The following ZNF707 variants were observed in gnomAD, a reference collection of about 807,000 sequenced individuals.
ZNF707 encodes zinc finger protein 707.
In ZNF707, 8 loss-of-function variants were observed where a neutral mutation model predicts 13.3. That is an observed-to-expected ratio of 0.60 (90% CI 0.35 to 1.09). The LOEUF is 1.09. ZNF707 is among the 50% of genes least tolerant of loss of function. The pLI, the probability that ZNF707 is intolerant of heterozygous loss-of-function variation, is 0.02. For missense variants in ZNF707, 530 were observed against 512.6 expected, an observed-to-expected ratio of 1.03 and a Z score of -0.33; for synonymous variants, 225 against 205.6, an observed-to-expected ratio of 1.09 and a Z score of -0.81.
intron 5 of ZNF707, 115 bp downstream of exon 5, chr8:143,691,828 C>T: frequency 1.0e-6 from 1 of 998,478 alleles, no homozygotes; most frequent in Non-Finnish European, 1.5e-6. Context: ...GGAGAGCAGA[C>T]ACACAGCTGC....
rs1816814670 is a variant in ZNF707, at chr8:143,691,583, T to C, written c.143-17T>C. On this transcript the variant is annotated splice_polypyrimidine_tract_variant and intron_variant, in intron 4 of 5. Transcript: ENST00000358656. ...CTCAGTACAAGTAAAACAGAAACTT[T>C]TCTCTCCTTTGAGAAGGATTTTGCA... The C allele has an allele frequency of 6.3e-7, 1 of 1,587,600 alleles. No individual in the cohort carries two copies. The highest frequency in any genetic ancestry group is 1.2e-5 in the South Asian group (1 of 86,578).
chr8:143,685,775 C>G (rs749395511), intron 1 of ZNF707, among the ~76,000 whole-genome samples: 19 of 150,590 alleles, frequency 1.3e-4, no homozygotes, highest in Non-Finnish European at 2.4e-4. Flanking sequence ...CCCAGGAGGT[C>G]GAGGCTGCAG....
chr8:143,694,385 C>A lies in ZNF707; in HGVS notation c.971C>A (p.Ser324Tyr). Residue 324 changes from serine (S) to tyrosine (Y), a missense_variant, in exon 6 of 6, where the codon TCC (serine) becomes TAC (tyrosine). Coordinates refer to ENST00000358656, the MANE Select transcript of ZNF707 (RefSeq NM_001100598.2). This position sits in a 1 kb window ranked among gnomAD's most constrained non-coding sequence, Gnocchi z 4.4. ...KPYTCAECGK[S>Y]FRWPKGFSIH... is the part of the protein sequence containing the mutation. ...TACACCTGTGCCGAGTGCGGCAAGT[C>A]CTTCCGGTGGCCCAAGGGCTTCAGC... 2 of 1,612,318 alleles carry A rather than the reference C, an allele frequency of 1.2e-6. No individual in the cohort carries two copies. Among genetic ancestry groups the A allele is most frequent in the Non-Finnish European group, 8.5e-7 (1 of 1,179,530 alleles).
Position 143,694,378 on chromosome 8 carries a change from G to C in ZNF707, c.964G>C (p.Gly322Arg), listed in dbSNP as rs782359327. ...GAAGCCCTACACCTGTGCCGAGTGC[G>C]GCAAGTCCTTCCGGTGGCCCAAGGG... ...GEKPYTCAEC[G>R]KSFRWPKGFS... The change falls in exon 6 of 6, where the codon GGC becomes CGC. Residue 322 changes from glycine to arginine, a missense_variant. Transcript: ENST00000358656. The surrounding 1 kb of genome is among the most constrained non-coding windows in gnomAD (Gnocchi z 4.4). 2.5e-6 allele frequency: 4 copies of C among 1,612,202 alleles called. No homozygotes were observed. Among genetic ancestry groups the C allele is most frequent in the Admixed American group, 1.7e-5 (1 of 59,928 alleles).
At position 143,694,178 on chromosome 8, in the gene ZNF707, C is replaced by T. The variant is rs781882112; in HGVS notation, c.764C>T (p.Thr255Ile). 14 of 1,575,956 alleles carry T rather than the reference C, an allele frequency of 8.9e-6. No individual in the cohort carries two copies. Among genetic ancestry groups the T allele is most frequent in the Non-Finnish European group, 1.0e-5 (12 of 1,160,498 alleles). ...DRLAQHRKVH[T>I]EHRPYSCGDC... ...CTGGCTCAGCACCGCAAGGTCCACA[C>T]CGAGCACAGGCCCTACTCGTGTGGC... is the stretch of plus-strand genomic sequence containing the variant. Residue 255 changes from threonine (T) to isoleucine (I), a missense_variant, in exon 6 of 6, where the codon ACC becomes ATC. Transcript: ENST00000358656. The surrounding 1 kb of genome is among the most constrained non-coding windows in gnomAD (Gnocchi z 4.4).
At chr8:143,689,967 C>T (rs1288643636) in intron 2 of ZNF707, 90 bp from the exon 3 acceptor site, 26 of 1,018,148 alleles carry the variant, frequency 2.6e-5, no homozygotes, top group East Asian at 5.1e-5. Context: ...CTGAATTCCC[C>T]GTGATTTGCT....
chr8:143,685,436 G>T (rs1816167138), intron 1 of ZNF707, among the ~76,000 whole-genome samples: 1 of 151,188 alleles, frequency 6.6e-6, no homozygotes, highest in African/African-American at 2.4e-5. Context: ...TGAGGCAAGA[G>T]AATCGTTTGA....
rs367575208 is a variant in ZNF707, at chr8:143,692,139, G to A, written c.256+426G>A. 2.3e-5 allele frequency: 30 copies of A among 1,303,942 alleles called. 1 individual carries two copies. The Middle Eastern group carries it at 6.3e-4, about 27-fold the overall frequency. 80.8% of individuals were successfully genotyped at this position (1,303,942 alleles called of 1,614,324 possible). A position where few individuals can be genotyped will look rare whatever the true frequency, so the allele number is the denominator to read the frequency against. ...GGCTCTGGGTAGGAGTTTGCTCCAC[G>A]TCCTTGTTTGCAAAACTGGGACAGT... is the stretch of plus-strand genomic sequence containing the variant. On this transcript the variant is annotated intron_variant, in intron 5 of 5. Coordinates refer to ENST00000358656, the MANE Select transcript of ZNF707 (RefSeq NM_001100598.2).
At position 143,691,079 on chromosome 8, in the gene ZNF707, G is replaced by A; in HGVS notation, c.22G>A (p.Val8Met). ...GGAGCTGTGTGTGTTGCAGGAGCCA[G>A]TGACCTTCAGGGACGTGGCCATCTA... MDMAQEP[V>M]TFRDVAIYFS... Residue 8 changes from valine to methionine, a missense_variant, in exon 4 of 6, where the codon GTG (valine) becomes ATG (methionine). Coordinates refer to ENST00000358656, the MANE Select transcript of ZNF707 (RefSeq NM_001100598.2). 6.2e-7 allele frequency: 1 copy of A among 1,613,924 alleles called. No homozygotes were observed. The highest frequency in any genetic ancestry group is 8.5e-7 in the Non-Finnish European group (1 of 1,179,860).
chr8:143,688,423 G>A (rs56321252), intron 1 of ZNF707, among the ~76,000 whole-genome samples: 1 of 152,006 alleles, frequency 6.6e-6, no homozygotes, highest in Non-Finnish European at 1.5e-5. Flanking sequence ...CGAGGGAGCC[G>A]CCCCATGCAG....
At position 143,694,029 on chromosome 8, in the gene ZNF707, G is replaced by C; in HGVS notation, c.615G>C (p.Glu205Asp). 6.2e-7 allele frequency: 1 copy of C among 1,606,126 alleles called. No homozygotes were observed. The highest frequency in any genetic ancestry group is 8.5e-7 in the Non-Finnish European group (1 of 1,177,400). The change falls in exon 6 of 6, where the codon GAG (glutamate) becomes GAC (aspartate). Residue 205 changes from glutamate to aspartate, a missense_variant. By Grantham distance (45) the Glu-to-Asp change is conservative (BLOSUM62 2). Coordinates refer to ENST00000358656, the MANE Select transcript of ZNF707 (RefSeq NM_001100598.2). The surrounding 1 kb of genome is among the most constrained non-coding windows in gnomAD (Gnocchi z 4.4). ...QTVHTGTKAF[E>D]CPECGQTFRW... Reference sequence around the variant, plus strand: ...TGCACACGGGAACCAAGGCCTTCGAGTGCCCCGAGTGCGGCCAGACCTTCC... The same window carrying C: ...TGCACACGGGAACCAAGGCCTTCGACTGCCCCGAGTGCGGCCAGACCTTCC...
chr8:143,693,537 C>A lies in ZNF707; in HGVS notation c.257-134C>A, dbSNP rs1554614211. On this transcript the variant is annotated intron_variant, in intron 5 of 5. Coordinates refer to ENST00000358656, the MANE Select transcript of ZNF707 (RefSeq NM_001100598.2). The surrounding 1 kb of genome is among the most constrained non-coding windows in gnomAD (Gnocchi z 4.1). ...GTCTCGATCTCCTGACCTCATGATC[C>A]ACCCGCCTCGGCCTCCCAAAGTGCT... The A allele has an allele frequency of 1.0e-5, 10 of 961,082 alleles. No individual in the cohort carries two copies. Among genetic ancestry groups the A allele is most frequent in the Non-Finnish European group, 1.3e-5 (9 of 688,286 alleles). 59.5% of individuals were successfully genotyped at this position (961,082 alleles called of 1,614,324 possible). A position where few individuals can be genotyped will look rare whatever the true frequency, so the allele number is the denominator to read the frequency against.
rs575384526 is a variant in ZNF707 at position 143,692,879 on chromosome 8, G to A, written c.257-792G>A. On this transcript the variant is annotated intron_variant, in intron 5 of 5. Coordinates refer to ENST00000358656, the MANE Select transcript of ZNF707 (RefSeq NM_001100598.2). ...TGGAGCCCCCGGCTGGGGAGGTGTC[G>A]CATCCCCGGGTGTGTGGAGCCCCCG... is the stretch of plus-strand genomic sequence containing the variant. 8.8e-4 allele frequency among the ~76,000 whole-genome samples: 130 copies of A among 148,398 alleles called. 2 individuals carry two copies. Among genetic ancestry groups the A allele is most frequent in the African/African-American group, 3.0e-3 (121 of 40,202 alleles).
At position 143,690,092 on chromosome 8, in the gene ZNF707, G is replaced by C. The variant is rs1554613087; in HGVS notation, c.-17G>C. ...CTTGGCACTGTGCTTCCCCAGAGGG[G>C]TGGCCTCGCTGTTCCCATGGACATG... is the stretch of plus-strand genomic sequence containing the variant. On this transcript the variant is annotated 5_prime_UTR_variant, in exon 3 of 6. Transcript: ENST00000358656. 6.2e-7 allele frequency: 1 copy of C among 1,608,860 alleles called. No individual in the cohort carries two copies. Among genetic ancestry groups the C allele is most frequent in the African/African-American group, 1.3e-5 (1 of 75,054 alleles).
At position 143,694,228 on chromosome 8, in the gene ZNF707, A is replaced by C; in HGVS notation, c.814A>C (p.Lys272Gln). 6.3e-7 allele frequency: 1 copy of C among 1,586,078 alleles called. No homozygotes were observed. Among genetic ancestry groups the C allele is most frequent in the African/African-American group, 1.3e-5 (1 of 74,328 alleles). The change falls in exon 6 of 6, where the codon AAG (lysine) becomes CAG (glutamine). Residue 272 changes from lysine to glutamine, a missense_variant. Coordinates refer to ENST00000358656, the MANE Select transcript of ZNF707 (RefSeq NM_001100598.2). This position sits in a 1 kb window ranked among gnomAD's most constrained non-coding sequence, Gnocchi z 4.4. ...CGACTGTGGGAAAGCCTTCAAGCAG[A>C]AGTCCAACCTTCTCAGACACCAGCT... ...CGDCGKAFKQ[K>Q]SNLLRHQLVH...
At chr8:143,690,943 G>C (rs1237641121) in intron 3 of ZNF707, 130 bp from the exon 4 acceptor site, 2 of 1,231,696 alleles carry the variant, frequency 1.6e-6, no homozygotes, top group Non-Finnish European at 2.2e-6. Flanking sequence ...GGGCTTCAGT[G>C]AATGGATTTA....
Position 143,694,161 on chromosome 8 carries a change from G to T in ZNF707, c.747G>T (p.Gln249His). Residue 249 changes from glutamine (Q) to histidine (H), a missense_variant, in exon 6 of 6, where the codon CAG becomes CAT. Coordinates refer to ENST00000358656, the MANE Select transcript of ZNF707 (RefSeq NM_001100598.2). This position sits in a 1 kb window ranked among gnomAD's most constrained non-coding sequence, Gnocchi z 4.4. ...TCAGCCTGAAGGACCGCCTGGCTCA[G>T]CACCGCAAGGTCCACACCGAGCACA... ...QAFSLKDRLAQHRKVHTEHRP... is the reference protein window; with the variant it reads ...QAFSLKDRLAHHRKVHTEHRP... 1 of 1,582,624 alleles carries T rather than the reference G, an allele frequency of 6.3e-7. No individual in the cohort carries two copies. The highest frequency in any genetic ancestry group is 8.6e-7 in the Non-Finnish European group (1 of 1,163,814).
intron 1 of ZNF707, chr8:143,687,138 T>G (rs1224193235): frequency 6.6e-6 from 1 of 152,162 alleles, no homozygotes; most frequent in Non-Finnish European, 1.5e-5. Flanking sequence ...CCCAAAGTGC[T>G]GGGATTACAG....
chr8:143,691,566 A>C, intron 4 of ZNF707, 34 bp from the exon 5 acceptor site: 3 of 1,565,106 alleles, frequency 1.9e-6, no homozygotes, highest in Non-Finnish European at 2.6e-6. Context: ...TCCTCAGTAC[A>C]AGTAAAACAG....
Sources: gnomAD v4.1 joint callset for allele counts (sites outside exome capture counted in the v4.1 genomes callset) on GRCh38, gnomAD v4.1.1 for gene constraint, Gnocchi (gnomAD v3.1) non-coding constraint, MANE v1.5 for transcripts, NCBI Gene and HGNC (gene_info 2026-07-23, HGNC 2026-07-21) for gene names.